The following ANKRD31 variants were observed in gnomAD, a reference collection of about 807,000 sequenced individuals.
ANKRD31 encodes the protein ankyrin repeat domain 31, also known as ankyrin repeat domain-containing protein 31.
In ANKRD31, 147 loss-of-function variants were observed where a neutral mutation model predicts 186.0. The observed-to-expected ratio is 0.79, with a 90% confidence interval of 0.69 to 0.91. The LOEUF (loss-of-function observed/expected upper bound fraction) is 0.91. ANKRD31 is among the 40% of genes least tolerant of loss of function. ANKRD31 has a pLI of 0.00. For missense variants in ANKRD31, 1,986 were observed against 2,148.8 expected (o/e 0.92, Z 1.50); for synonymous variants, 673 against 736.4 (o/e 0.91, Z 1.39).
chr5:75,188,244 C>T (rs1754869282), intron 10 of ANKRD31, among the ~76,000 whole-genome samples: 1 of 152,116 alleles, frequency 6.6e-6, no homozygotes, highest in African/African-American at 2.4e-5. Flanking sequence ...TTCTGGATGC[C>T]ACTGCACATA....
At chr5:75,077,340 G>A (rs557599372) in intron 25 of ANKRD31, among the ~76,000 whole-genome samples, 8 of 152,188 alleles carry the variant, frequency 5.3e-5, no homozygotes, top group South Asian at 2.1e-4. Flanking sequence ...CAAAGTGCTC[G>A]GAACACAGGC....
intron 11 of ANKRD31, among the ~76,000 whole-genome samples, chr5:75,160,955 T>C (rs894991335): frequency 6.6e-6 from 1 of 152,196 alleles, no homozygotes; most frequent in Admixed American, 6.5e-5. Context: ...CATGGAACTA[T>C]AAGTCCATTA....
chr5:75,194,008 G>T (rs116249653), intron 7 of ANKRD31, among the ~76,000 whole-genome samples: 3,966 of 152,204 alleles, frequency 0.026, 157 homozygotes, highest in African/African-American at 0.09. Context: ...GTGATATTTT[G>T]TGGAACAAGA....
intron 25 of ANKRD31, among the ~76,000 whole-genome samples, chr5:75,070,307 C>A (rs534168364): frequency 1.6e-4 from 25 of 152,250 alleles, no homozygotes; most frequent in African/African-American, 6.0e-4. Context: ...AGCCTAGTTT[C>A]ATCATTTAAA....
At chr5:75,213,139 AG>A (rs1414140915) in intron 3 of ANKRD31, among the ~76,000 whole-genome samples, 2 of 152,244 alleles carry the variant, frequency 1.3e-5, no homozygotes, top group African/African-American at 4.8e-5. Flanking sequence ...CAGGCTTTAC[AG>A]AGCTCAGAGG....
intron 2 of ANKRD31, among the ~76,000 whole-genome samples, chr5:75,230,123 C>T (rs113150266): frequency 0.026 from 3,929 of 151,744 alleles, 158 homozygotes; most frequent in African/African-American, 0.09. Flanking sequence ...GCCTCCAGTC[C>T]GGGGTTGGTT....
chr5:75,098,325 T>C (rs772809664), intron 22 of ANKRD31, among the ~76,000 whole-genome samples: 2 of 152,214 alleles, frequency 1.3e-5, no homozygotes, highest in African/African-American at 4.8e-5. Context: ...GCTGTTTTGG[T>C]TACTGTAGCC....
chr5:75,211,868 T>C (rs1271612889), intron 3 of ANKRD31, among the ~76,000 whole-genome samples: 1 of 152,184 alleles, frequency 6.6e-6, no homozygotes, highest in African/African-American at 2.4e-5. Context: ...TTGTAAGAAC[T>C]CTTTATATAT....
intron 23 of ANKRD31, among the ~76,000 whole-genome samples, chr5:75,085,616 G>C (rs1202179159): frequency 6.6e-6 from 1 of 152,086 alleles, no homozygotes; most frequent in African/African-American, 2.4e-5. Context: ...TGGCCAGGGT[G>C]GTCTCGAACT....
intron 24 of ANKRD31, among the ~76,000 whole-genome samples, chr5:75,082,981 T>C (rs779683380): frequency 3.3e-5 from 5 of 152,218 alleles, no homozygotes; most frequent in Non-Finnish European, 7.3e-5. Flanking sequence ...TACTATGTAA[T>C]AAATATTGAG....
chr5:75,146,695 AATC>A lies in ANKRD31; in HGVS notation c.2713_2715del (p.Asp905del), dbSNP rs1296859022. On this transcript the variant is annotated inframe_deletion, in exon 14 of 26. Coordinates refer to ENST00000506364, the MANE Select transcript of ANKRD31 (RefSeq NM_001372053.1). ...GTTATAGCCTTCTCAGAGGTAGAGC[AATC>A]ATCATCATCATCATTATCAGAATTT... 5.9e-6 allele frequency: 9 copies of A among 1,535,578 alleles called. No individual in the cohort carries two copies. The highest frequency in any genetic ancestry group is 1.4e-5 in the African/African-American group (1 of 72,956).
chr5:75,118,251 T>C lies in ANKRD31; in HGVS notation c.3923A>G (p.Asp1308Gly), dbSNP rs558329240. Residue 1308 changes from aspartate to glycine, a missense_variant, in exon 18 of 26, where the codon GAT becomes GGT. Physicochemically the swap from Asp to Gly is moderately conservative, Grantham distance 94. Coordinates refer to ENST00000506364, the MANE Select transcript of ANKRD31 (RefSeq NM_001372053.1). ...LQNGANPNQK[D>G]QKQKSALDEA... is the part of the protein sequence containing the mutation. ...ATCCAAAGCACTCTTCTGTTTTTGA[T>C]CTTTTTGATTAGGGTTTGCTCCATT... The C allele has an allele frequency of 5.3e-6, 8 of 1,519,742 alleles. No homozygotes were observed. The South Asian group carries it at 6.3e-5, about 12-fold the overall frequency. 94.1% of individuals were successfully genotyped at this position (1,519,742 alleles called of 1,614,324 possible).
intron 6 of ANKRD31, among the ~76,000 whole-genome samples, chr5:75,198,376 C>T (rs1003568018): frequency 6.6e-6 from 1 of 152,054 alleles, no homozygotes; most frequent in African/African-American, 2.4e-5. Flanking sequence ...ACATACAAAG[C>T]CTAGTGTCTT....
intron 10 of ANKRD31, among the ~76,000 whole-genome samples, chr5:75,178,242 T>G (rs1431790554): frequency 6.6e-6 from 1 of 152,180 alleles, no homozygotes; most frequent in Non-Finnish European, 1.5e-5. Context: ...AGCAATTCCT[T>G]AGTGACCTAC....
chr5:75,179,790 A>G (rs1754135139), intron 10 of ANKRD31, among the ~76,000 whole-genome samples: 1 of 152,180 alleles, frequency 6.6e-6, no homozygotes, highest in African/African-American at 2.4e-5. Flanking sequence ...TGAATGGACA[A>G]AAACTAGAAG....
In ANKRD31 at chr5:75,096,222, A is replaced by T. The variant is rs139469947; in HGVS notation, c.5332-4821T>A. On this transcript the variant is annotated intron_variant, in intron 22 of 25. Transcript: ENST00000506364. Reference sequence around the variant, plus strand: ...TAATCGTCATTCTGACTGAAATGAGATGGTATCTCATTGTGGTTTTGACTT... The same window carrying T: ...TAATCGTCATTCTGACTGAAATGAGTTGGTATCTCATTGTGGTTTTGACTT... Among the ~76,000 whole-genome samples, 1,421 of 152,192 alleles carry T rather than the reference A, an allele frequency of 9.3e-3. 21 individuals are homozygous for T. Among genetic ancestry groups the T allele is most frequent in the African/African-American group, 0.032 (1,347 of 41,522 alleles).
At chr5:75,183,741 T>C (rs541030039) in intron 10 of ANKRD31, among the ~76,000 whole-genome samples, 7 of 152,168 alleles carry the variant, frequency 4.6e-5, no homozygotes, top group East Asian at 3.9e-4. Flanking sequence ...CTACAAAACA[T>C]TGATGAAACA....
At chr5:75,164,109 T>C (rs1407479073) in intron 11 of ANKRD31, among the ~76,000 whole-genome samples, 1 of 152,192 alleles carries the variant, frequency 6.6e-6, no homozygotes, top group Non-Finnish European at 1.5e-5. Context: ...GGGATGCCAG[T>C]TGTCATACTG....
chr5:75,096,676 T>A (rs1426536807), intron 22 of ANKRD31, among the ~76,000 whole-genome samples: 1 of 151,836 alleles, frequency 6.6e-6, no homozygotes, highest in Admixed American at 6.6e-5. Context: ...ATTTTTTTTT[T>A]ATTATACTTT....
Sources: gnomAD v4.1 joint callset for allele counts (sites outside exome capture counted in the v4.1 genomes callset) on GRCh38, gnomAD v4.1.1 for gene constraint, MANE v1.5 for transcripts, NCBI Gene and HGNC (gene_info 2026-07-23, HGNC 2026-07-21) for gene names.